Variants in SMARCA4 observed in about 807,000 individuals in gnomAD.
The protein encoded by SMARCA4 is SWI/SNF-related matrix-associated actin-dependent regulator of chromatin subfamily A member 4.
SMARCA4 carries 31 observed loss-of-function variants against 193.9 expected under a neutral mutation model. The ratio of observed to expected loss-of-function variants is 0.16; its 90% CI spans 0.12 to 0.22. The LOEUF is 0.22. SMARCA4 is among the 10% of genes least tolerant of loss of function. SMARCA4 has a pLI of 1.00. For missense variants in SMARCA4, 1,148 were observed against 2,296.0 expected (o/e 0.50, Z 10.22); for synonymous variants, 942 against 933.1 (o/e 1.01, Z -0.17).
intron 30 of SMARCA4, among the ~76,000 whole-genome samples, chr19:11,048,533 G>A (rs767204465): frequency 2.6e-5 from 4 of 152,208 alleles, no homozygotes; most frequent in Admixed American, 6.6e-5. Flanking sequence ...GAGTGAACAC[G>A]GGACGTTGTC....
intron 29 of SMARCA4, among the ~76,000 whole-genome samples, chr19:11,038,881 TAAAC>T (rs1485068017): frequency 6.6e-6 from 1 of 152,190 alleles, no homozygotes; most frequent in African/African-American, 2.4e-5. Flanking sequence ...GAATCTGTCT[TAAAC>T]AATGTCAGTT....
Position 11,014,570 on chromosome 19 carries a change from C to A in SMARCA4, c.2438+1458C>A, listed in dbSNP as rs185153623. On this transcript the variant is annotated intron_variant, in intron 16 of 34. Coordinates refer to ENST00000344626, the MANE Select transcript of SMARCA4 (RefSeq NM_003072.5). ...GTCTGTGTCTGGAGGCTGTTCCTTC[C>A]GGCTCTGCCCACCTCCTGGCTCCCC... Among the ~76,000 whole-genome samples the A allele has an allele frequency of 1.1e-4, 17 of 152,268 alleles. No individual in the cohort carries two copies. The East Asian group carries it at 3.1e-3, about 28-fold the overall frequency.
chr19:10,986,919 A>C lies in SMARCA4; in HGVS notation c.775A>C (p.Asn259His), dbSNP rs764641221. 1 of 1,612,488 alleles carries C rather than the reference A, an allele frequency of 6.2e-7. No homozygotes were observed. The highest frequency in any genetic ancestry group is 8.5e-7 in the Non-Finnish European group (1 of 1,179,378). ...YSRPHGMGGP[N>H]MPPPGPSGVP... ...CCTACATGTAGGTATGGGAGGGCCCAACATGCCTCCCCCAGGACCCTCGGG... is the reference window on the plus strand; with the variant it reads ...CCTACATGTAGGTATGGGAGGGCCCCACATGCCTCCCCCAGGACCCTCGGG... The change falls in exon 5 of 35, where the codon AAC (asparagine) becomes CAC (histidine). Residue 259 changes from asparagine to histidine, a missense_variant. Physicochemically the swap from Asn to His is moderately conservative, Grantham distance 68. This residue lies in a region of SMARCA4 where 257 missense variants were observed against 276.5 expected (regional missense o/e 0.93). Coordinates refer to ENST00000344626, the MANE Select transcript of SMARCA4 (RefSeq NM_003072.5). The surrounding 1 kb of genome is among the most constrained non-coding windows in gnomAD (Gnocchi z 6.7).
rs758527008 is a variant in SMARCA4, at chr19:10,984,408, C to T, written c.222+35C>T. ...CCTGTGCCCGCCTCGCACCTGCGGC[C>T]TCTGCCCACTAGGGCTGCAGGCAGC... On this transcript the variant is annotated intron_variant, in intron 2 of 34. Coordinates refer to ENST00000344626, the MANE Select transcript of SMARCA4 (RefSeq NM_003072.5). The surrounding 1 kb of genome is among the most constrained non-coding windows in gnomAD (Gnocchi z 4.3). 6.4e-7 allele frequency: 1 copy of T among 1,553,772 alleles called. No individual in the cohort carries two copies. Among genetic ancestry groups the T allele is most frequent in the South Asian group, 1.2e-5 (1 of 84,506 alleles).
At chr19:10,967,284 T>G (rs2084296183) in intron 1 of SMARCA4, among the ~76,000 whole-genome samples, 1 of 152,070 alleles carries the variant, frequency 6.6e-6, no homozygotes, top group Non-Finnish European at 1.5e-5. Context: ...GGAAGGGGGC[T>G]TTCTTGTTTT....
At position 10,987,696 on chromosome 19, in the gene SMARCA4, G is replaced by A. The variant is rs756170542; in HGVS notation, c.890G>A (p.Ser297Asn). ...ATGGCGAATGCTGCTGCCCCCACGAGCACCCCTCAGAAGCTGATTCCCCCG... is the reference window on the plus strand; with the variant it reads ...ATGGCGAATGCTGCTGCCCCCACGAACACCCCTCAGAAGCTGATTCCCCCG... ...GPMANAAAPT[S>N]TPQKLIPPQP... The change falls in exon 6 of 35, where the codon AGC becomes AAC. Residue 297 changes from serine (S) to asparagine (N), a missense_variant. By Grantham distance (46) the Ser-to-Asn change is conservative. Coordinates refer to ENST00000344626, the MANE Select transcript of SMARCA4 (RefSeq NM_003072.5). This position sits in a 1 kb window ranked among gnomAD's most constrained non-coding sequence, Gnocchi z 5.3. 2 of 1,612,596 alleles carry A rather than the reference G, an allele frequency of 1.2e-6. No individual in the cohort carries two copies. The highest frequency in any genetic ancestry group is 1.1e-5 in the South Asian group (1 of 91,050).
chr19:11,036,867 G>A (rs1200035283), intron 29 of SMARCA4, among the ~76,000 whole-genome samples: 1 of 152,158 alleles, frequency 6.6e-6, no homozygotes, highest in African/African-American at 2.4e-5. Context: ...ACCTGTTCTG[G>A]GCGTTTCCTG....
intron 30 of SMARCA4, among the ~76,000 whole-genome samples, chr19:11,049,321 G>C (rs930096179): frequency 2.0e-5 from 3 of 152,128 alleles, no homozygotes; most frequent in Admixed American, 1.3e-4. Context: ...AAACCACATT[G>C]AGGAACCTGC....
chr19:11,039,669 A>G (rs1036872788), intron 29 of SMARCA4: 4 of 477,824 alleles, frequency 8.4e-6, no homozygotes, highest in Admixed American at 8.5e-5. Context: ...TATGTTATAT[A>G]TGATTTATAA....
intron 15 of SMARCA4, chr19:11,010,815 G>A: frequency 2.1e-6 from 1 of 470,134 alleles, no homozygotes; most frequent in Non-Finnish European, 4.0e-6. Context: ...CCTCACAGAG[G>A]AGACGGGGCC....
At chr19:11,055,131 A>G (rs1313131944) in intron 30 of SMARCA4, among the ~76,000 whole-genome samples, 1 of 152,186 alleles carries the variant, frequency 6.6e-6, no homozygotes, top group Non-Finnish European at 1.5e-5. Flanking sequence ...TGATTCATCC[A>G]GAACGTAATT....
intron 1 of SMARCA4, among the ~76,000 whole-genome samples, chr19:10,973,362 C>G (rs2084833285): frequency 6.6e-6 from 1 of 151,848 alleles, no homozygotes; most frequent in Non-Finnish European, 1.5e-5. Flanking sequence ...GAGAACCGTC[C>G]TGGATGCTTT....
chr19:10,980,022 C>T (rs971465881), intron 1 of SMARCA4, among the ~76,000 whole-genome samples: 3 of 152,172 alleles, frequency 2.0e-5, no homozygotes, highest in African/African-American at 4.8e-5. Flanking sequence ...CACGGCTCTC[C>T]ACTTTGTGCT....
intron 30 of SMARCA4, among the ~76,000 whole-genome samples, chr19:11,043,434 A>C (rs1330115820): frequency 2.6e-5 from 4 of 152,206 alleles, no homozygotes; most frequent in African/African-American, 9.6e-5. Flanking sequence ...CTAATTCACA[A>C]ACCTAACTCC....
intron 15 of SMARCA4, 86 bp downstream of exon 15, chr19:11,010,617 GA>G: frequency 7.6e-7 from 1 of 1,316,828 alleles, no homozygotes; most frequent in Non-Finnish European, 1.1e-6. Context: ...ACCTCAGGCA[GA>G]CCTGAGTTCA....
chr19:11,017,481 C>T (rs2089470365), intron 16 of SMARCA4, among the ~76,000 whole-genome samples: 4 of 152,268 alleles, frequency 2.6e-5, no homozygotes, highest in South Asian at 2.1e-4. Flanking sequence ...AGGGCCCGCG[C>T]GCTAGGAAAT....
chr19:11,004,406 G>A (rs1327334730), intron 13 of SMARCA4, among the ~76,000 whole-genome samples: 3 of 151,892 alleles, frequency 2.0e-5, no homozygotes, highest in Non-Finnish European at 4.4e-5. Context: ...CCGCCACCAT[G>A]CCAGCTAATT....
chr19:11,050,166 C>T (rs182589131), intron 30 of SMARCA4, among the ~76,000 whole-genome samples: 2 of 152,352 alleles, frequency 1.3e-5, no homozygotes, highest in East Asian at 1.9e-4. Context: ...TCAGGAGACA[C>T]GTGCACAGCT....
intron 11 of SMARCA4, among the ~76,000 whole-genome samples, chr19:10,997,518 G>T (rs553765676): frequency 6.6e-6 from 1 of 152,200 alleles, no homozygotes; most frequent in Non-Finnish European, 1.5e-5. Context: ...TAGAGACGGG[G>T]TTTCACCATG....
Sources: allele counts gnomAD v4.1 joint callset (sites outside exome capture counted in the v4.1 genomes callset), GRCh38; gene constraint gnomAD v4.1.1; regional missense constraint gnomAD v4.1.1; non-coding constraint Gnocchi (gnomAD v3.1); transcripts MANE v1.5; gene names NCBI Gene and HGNC (gene_info 2026-07-23, HGNC 2026-07-21).